NOTCH2: variants seen among roughly 807,000 people sequenced by gnomAD.
NOTCH2 encodes the protein neurogenic locus notch homolog protein 2.
NOTCH2 carries 29 observed loss-of-function variants against 235.8 expected under a neutral mutation model. The observed-to-expected ratio is 0.12, with a 90% CI of 0.09 to 0.17. The LOEUF (loss-of-function observed/expected upper bound fraction) is 0.17. Ranked by LOEUF, NOTCH2 falls within the 10% of genes least tolerant of loss-of-function variation. NOTCH2 has a pLI of 1.00. For synonymous variants in NOTCH2, 1,086 were observed against 1,141.5 expected (o/e 0.95, Z 0.98); for missense variants, 2,285 against 3,150.2 (o/e 0.73, Z 6.57).
intron 5 of NOTCH2, among the ~76,000 whole-genome samples, chr1:119,972,906 T>C (rs1651420683): frequency 6.6e-6 from 1 of 152,130 alleles, no homozygotes; most frequent in African/African-American, 2.4e-5. Flanking sequence ...CATGGGGAAG[T>C]GGACAGGATG....
At chr1:120,015,308 TG>T (rs1553207796) in intron 2 of NOTCH2, among the ~76,000 whole-genome samples, 3 of 152,298 alleles carry the variant, frequency 2.0e-5, no homozygotes, top group South Asian at 4.1e-4. Context: ...CTGGGCCTCT[TG>T]GCCCCCCAAT....
chr1:119,953,286 C>T (rs1650555156), intron 14 of NOTCH2, among the ~76,000 whole-genome samples: 1 of 150,146 alleles, frequency 6.7e-6, no homozygotes, highest in Non-Finnish European at 1.5e-5. Context: ...GCACTCCAGC[C>T]TGGGCAACAA....
Position 119,911,714 on chromosome 1 carries a change from A to C in NOTCH2, c.*3592T>G. The C allele has an allele frequency of 4.3e-6, 1 of 233,252 alleles. No individual in the cohort carries two copies. The highest frequency in any genetic ancestry group is 8.5e-6 in the Non-Finnish European group (1 of 118,034). 14.4% of individuals were successfully genotyped at this position (233,252 alleles called of 1,614,324 possible). A position where few individuals can be genotyped will look rare whatever the true frequency, so the allele number is the denominator to read the frequency against. ...CAATCATTTACATAACAGCATAATT[A>C]ATATTATGACTTATATCCCAGTTCC... On this transcript the variant is annotated 3_prime_UTR_variant, in exon 34 of 34. Coordinates refer to ENST00000256646, the MANE Select transcript of NOTCH2 (RefSeq NM_024408.4).
At position 119,920,221 on chromosome 1, in the gene NOTCH2, G is replaced by A. The variant is rs1017420629; in HGVS notation, c.5479+8C>T. 5.0e-6 allele frequency: 8 copies of A among 1,613,782 alleles called. No individual in the cohort carries two copies. The African/African-American group carries it at 1.1e-4, about 22-fold the overall frequency. On this transcript the variant is annotated splice_region_variant and intron_variant, in intron 30 of 33. Transcript: ENST00000256646. ...CCCAGTGAAGAGGGGAAGAGGCCCG[G>A]TGCTGACCTGGGCCACGGACATTCA... is the stretch of plus-strand genomic sequence containing the variant.
At chr1:119,980,931 T>C (rs1553201581) in intron 5 of NOTCH2, among the ~76,000 whole-genome samples, 1 of 152,150 alleles carries the variant, frequency 6.6e-6, no homozygotes, top group Non-Finnish European at 1.5e-5. Context: ...TTTTCTCACT[T>C]TCCTTCTTTG....
intron 32 of NOTCH2, among the ~76,000 whole-genome samples, chr1:119,918,158 G>A (rs587709283): frequency 3.3e-5 from 5 of 152,190 alleles, no homozygotes; most frequent in African/African-American, 1.2e-4. Context: ...AACTACATGG[G>A]AACACCTTTC....
At chr1:120,000,391 G>A (rs1202885922) in intron 3 of NOTCH2, among the ~76,000 whole-genome samples, 9 of 151,224 alleles carry the variant, frequency 6.0e-5, no homozygotes, top group Middle Eastern at 3.4e-3. Flanking sequence ...AAAATTAGCC[G>A]GGCATGGCGG....
rs1453994271 is a variant in NOTCH2, at chr1:119,923,817, T to C, written c.4679A>G (p.Gln1560Arg). The change falls in exon 26 of 34, where the codon CAG (glutamine) becomes CGG (arginine). Residue 1560 changes from glutamine (Q) to arginine (R), a missense_variant. Physicochemically the swap from Gln to Arg is conservative, Grantham distance 43. This residue lies in a region of NOTCH2 where 1,173 missense variants were observed against 1,515.3 expected (regional missense o/e 0.77). Transcript: ENST00000256646. ...TGCCCGCAAGAAGCTGCGAGCATCCTGGAGCAGTTGTTCAGGTGGCATCAA... is the reference window on the plus strand; with the variant it reads ...TGCCCGCAAGAAGCTGCGAGCATCCCGGAGCAGTTGTTCAGGTGGCATCAA... ...VVLMPPEQLL[Q>R]DARSFLRALG... 6.2e-7 allele frequency: 1 copy of C among 1,614,082 alleles called. No homozygotes were observed. The highest frequency in any genetic ancestry group is 2.2e-5 in the East Asian group (1 of 44,894).
chr1:119,930,717 T>G (rs1007914239), intron 22 of NOTCH2, among the ~76,000 whole-genome samples: 46 of 151,586 alleles, frequency 3.0e-4, no homozygotes, highest in African/African-American at 1.1e-3. Flanking sequence ...AGATGAAGCT[T>G]GCAGTGAGCC....
At position 119,962,558 on chromosome 1, in the gene NOTCH2, C is replaced by G. The variant is rs76704005; in HGVS notation, c.1915+1016G>C. ...GTTTTCAAACTTGGCATGTATGAAG[C>G]CTTGGGTAAAGACCAGAGCCTTTGA... On this transcript the variant is annotated intron_variant, in intron 11 of 33. Coordinates refer to ENST00000256646, the MANE Select transcript of NOTCH2 (RefSeq NM_024408.4). 6.7e-3 allele frequency among the ~76,000 whole-genome samples: 1,014 copies of G among 152,162 alleles called. 14 individuals carry two copies. Among genetic ancestry groups the G allele is most frequent in the African/African-American group, 0.021 (874 of 41,508 alleles).
At position 119,912,168 on chromosome 1, in the gene NOTCH2, T is replaced by G. The variant is rs1217321157; in HGVS notation, c.*3138A>C. On this transcript the variant is annotated 3_prime_UTR_variant, in exon 34 of 34. Coordinates refer to ENST00000256646, the MANE Select transcript of NOTCH2 (RefSeq NM_024408.4). ...AAAACAAAGTGTGCATTTTCCTTAC[T>G]ACGTTTAGTCAGGAATATGCGGTCA... 4 of 233,438 alleles carry G rather than the reference T, an allele frequency of 1.7e-5. No homozygotes were observed. Among genetic ancestry groups the G allele is most frequent in the Non-Finnish European group, 3.4e-5 (4 of 117,974 alleles). 14.5% of individuals were successfully genotyped at this position (233,438 alleles called of 1,614,324 possible). A position where few individuals can be genotyped will look rare whatever the true frequency, so the allele number is the denominator to read the frequency against.
At position 120,060,487 on chromosome 1, in the gene NOTCH2, C is replaced by G. The variant is rs768841449; in HGVS notation, c.73+8847G>C. Among the ~76,000 whole-genome samples the G allele has an allele frequency of 5.8e-4, 86 of 149,428 alleles. 1 individual carries two copies. In the South Asian group the frequency reaches 0.011, roughly 20 times the overall value. On this transcript the variant is annotated intron_variant, in intron 1 of 33. Transcript: ENST00000256646. ...TATATATATAAAAATAAATCAACAGCTTTTCTAAATCTAAGGGTAAAAAAA... is the reference window on the plus strand; with the variant it reads ...TATATATATAAAAATAAATCAACAGGTTTTCTAAATCTAAGGGTAAAAAAA...
At chr1:119,962,061 G>A (rs887356667) in intron 11 of NOTCH2, among the ~76,000 whole-genome samples, 6 of 152,060 alleles carry the variant, frequency 3.9e-5, no homozygotes, top group African/African-American at 9.7e-5. Flanking sequence ...GAACATCTTT[G>A]GCAGGTTCTG....
At chr1:119,930,133 A>G (rs587725348) in intron 22 of NOTCH2, among the ~76,000 whole-genome samples, 36 of 152,374 alleles carry the variant, frequency 2.4e-4, no homozygotes, top group African/African-American at 8.2e-4. Flanking sequence ...GCCTAAGGGC[A>G]TATTTCTCAG....
At chr1:119,939,076 C>T (rs929766276) in intron 19 of NOTCH2, among the ~76,000 whole-genome samples, 21 of 152,158 alleles carry the variant, frequency 1.4e-4, no homozygotes, top group Admixed American at 1.2e-3. Context: ...ATGTCCACTT[C>T]ACCCAACATA....
At chr1:120,007,175 T>C (rs1245340729) in intron 2 of NOTCH2, among the ~76,000 whole-genome samples, 1 of 151,412 alleles carries the variant, frequency 6.6e-6, no homozygotes, top group Admixed American at 6.6e-5. Flanking sequence ...TTCATAGCAC[T>C]GAAACCAAAG....
intron 20 of NOTCH2, 78 bp downstream of exon 20, chr1:119,937,779 A>G (rs1388222233): frequency 3.2e-6 from 5 of 1,565,778 alleles, no homozygotes; most frequent in Non-Finnish European, 4.4e-6. Context: ...ATTCCACAAA[A>G]AAATGATACC....
chr1:119,933,091 T>C (rs1324815905), intron 22 of NOTCH2, among the ~76,000 whole-genome samples: 1 of 152,234 alleles, frequency 6.6e-6, no homozygotes, highest in African/African-American at 2.4e-5. Context: ...TATTTAGGGA[T>C]TGCTAGTAAA....
At chr1:119,986,225 C>A (rs1386981093) in intron 5 of NOTCH2, among the ~76,000 whole-genome samples, 1 of 152,130 alleles carries the variant, frequency 6.6e-6, no homozygotes, top group Non-Finnish European at 1.5e-5. Flanking sequence ...AAAGGCCCAG[C>A]TCTTAGTCCC....
Sources: gnomAD v4.1 joint callset for allele counts (sites outside exome capture counted in the v4.1 genomes callset) on GRCh38, gnomAD v4.1.1 for gene constraint, gnomAD v4.1.1 regional missense constraint, MANE v1.5 for transcripts, NCBI Gene and HGNC (gene_info 2026-07-23, HGNC 2026-07-21) for gene names.